Variants in PEX3 observed in about 807,000 individuals in gnomAD.
PEX3 encodes peroxin-3.
PEX3 carries 30 observed loss-of-function variants against 55.8 expected under a neutral mutation model. The observed-to-expected ratio is 0.54, with a 90% CI of 0.40 to 0.73. The LOEUF (loss-of-function observed/expected upper bound fraction) is 0.73, where lower values mean the gene tolerates loss of function less well. Ranked by LOEUF, PEX3 falls within the 30% of genes least tolerant of loss-of-function variation. PEX3 has a pLI of 0.00. For synonymous variants in PEX3, 135 were observed against 148.4 expected, an observed-to-expected ratio of 0.91 and a Z score of 0.66; for missense variants, 351 against 432.8, an observed-to-expected ratio of 0.81 and a Z score of 1.68.
In PEX3 at chr6:143,466,418, A is replaced by G. The variant is rs944943076; in HGVS notation, c.288-1704A>G. 3.3e-5 allele frequency among the ~76,000 whole-genome samples: 5 copies of G among 151,958 alleles called. No individual in the cohort carries two copies. Among genetic ancestry groups the G allele is most frequent in the African/African-American group, 1.2e-4 (5 of 41,432 alleles). Reference sequence around the variant, plus strand: ...TGAGGTATTGCAGTGCTTTGTTTTTAAGGAACCTTTATTTTACTTAATAAT... The same window carrying G: ...TGAGGTATTGCAGTGCTTTGTTTTTGAGGAACCTTTATTTTACTTAATAAT... On this transcript the variant is annotated intron_variant, in intron 3 of 11. Coordinates refer to ENST00000367591, the MANE Select transcript of PEX3 (RefSeq NM_003630.3). This position sits in a 1 kb window ranked among gnomAD's most constrained non-coding sequence, Gnocchi z 5.4.
Position 143,489,476 on chromosome 6 carries a change from T to C in PEX3, c.*250T>C, listed in dbSNP as rs577296854. 1.1e-5 allele frequency: 3 copies of C among 285,462 alleles called. No homozygotes were observed. In the East Asian group the frequency reaches 2.3e-4, roughly 22 times the overall value. 17.7% of individuals were successfully genotyped at this position (285,462 alleles called of 1,614,324 possible). On this transcript the variant is annotated 3_prime_UTR_variant, in exon 12 of 12. Transcript: ENST00000367591. The surrounding 1 kb of genome is among the most constrained non-coding windows in gnomAD (Gnocchi z 5.5). ...AATATCAGAATTGTTAATAATTTGT[T>C]ACACATGGACATTTGTTCCAAACTG...
chr6:143,477,148 A>G (rs953054884), intron 9 of PEX3, among the ~76,000 whole-genome samples: 6 of 152,208 alleles, frequency 3.9e-5, no homozygotes, highest in Non-Finnish European at 5.9e-5. Flanking sequence ...AGATAAGCTA[A>G]TTCAAAAGAA....
In PEX3 at chr6:143,459,743, T is replaced by C. The variant is rs1352665721; in HGVS notation, c.205+527T>C. Among the ~76,000 whole-genome samples the C allele has an allele frequency of 6.6e-6, 1 of 152,260 alleles. No individual in the cohort carries two copies. Among genetic ancestry groups the C allele is most frequent in the East Asian group, 1.9e-4 (1 of 5,180 alleles). On this transcript the variant is annotated intron_variant, in intron 2 of 11. Coordinates refer to ENST00000367591, the MANE Select transcript of PEX3 (RefSeq NM_003630.3). The surrounding 1 kb of genome is among the most constrained non-coding windows in gnomAD (Gnocchi z 4.2). ...AAAAGGCCATGTAGCTAGAGCAGAA[T>C]GAACAATGGCAGTGATAGGAAACAA...
chr6:143,457,879 T>C (rs3804539), intron 1 of PEX3, among the ~76,000 whole-genome samples: 33,359 of 152,168 alleles, frequency 0.22, 3,770 homozygotes, highest in Middle Eastern at 0.22. Context: ...CTGTAGGATT[T>C]GGTTGGCTAC....
chr6:143,452,755 T>C (rs1314435615), intron 1 of PEX3, among the ~76,000 whole-genome samples: 1 of 152,216 alleles, frequency 6.6e-6, no homozygotes, highest in Non-Finnish European at 1.5e-5. Flanking sequence ...CTCATGTTCT[T>C]TCTGCTTCAG....
In PEX3 at chr6:143,472,741, C is replaced by T. The variant is rs147460078; in HGVS notation, c.747+413C>T. Among the ~76,000 whole-genome samples, 193 of 152,200 alleles carry T rather than the reference C, an allele frequency of 1.3e-3. 3 individuals carry two copies. Among genetic ancestry groups the T allele is most frequent in the East Asian group, 1.9e-4 (1 of 5,166 alleles). On this transcript the variant is annotated intron_variant, in intron 8 of 11. Transcript: ENST00000367591. ...TAAAGAGCTTTATATGCCAAGATAACGAGTCTGAACTCCAATTTGTAGACA... is the reference window on the plus strand; with the variant it reads ...TAAAGAGCTTTATATGCCAAGATAATGAGTCTGAACTCCAATTTGTAGACA...
chr6:143,489,316 T>A lies in PEX3; in HGVS notation c.*90T>A. The A allele has an allele frequency of 1.3e-6, 1 of 759,346 alleles. No individual in the cohort carries two copies. The highest frequency in any genetic ancestry group is 2.4e-6 in the Non-Finnish European group (1 of 414,974). The allele number at this position is 759,346 out of a possible 1,614,324, so 47.0% of individuals were successfully genotyped here. A position where few individuals can be genotyped will look rare whatever the true frequency, so the allele number is the denominator to read the frequency against. ...CTATACTTAGAGTAACAGTTTGTTA[T>A]CAAAATGCCTGATAAAATATATTCT... On this transcript the variant is annotated 3_prime_UTR_variant, in exon 12 of 12. Transcript: ENST00000367591. This position sits in a 1 kb window ranked among gnomAD's most constrained non-coding sequence, Gnocchi z 5.5.
intron 10 of PEX3, among the ~76,000 whole-genome samples, chr6:143,481,622 A>T (rs1385674407): frequency 6.6e-6 from 1 of 152,178 alleles, no homozygotes; most frequent in Non-Finnish European, 1.5e-5. Flanking sequence ...TAATAAGATA[A>T]AAAACATTAT....
rs549506989 is a variant in PEX3, at chr6:143,486,648, G to A, written c.1038+1400G>A. On this transcript the variant is annotated intron_variant, in intron 11 of 11. Coordinates refer to ENST00000367591, the MANE Select transcript of PEX3 (RefSeq NM_003630.3). The surrounding 1 kb of genome is among the most constrained non-coding windows in gnomAD (Gnocchi z 5.0). ...TACCAAGTGGTCTTCTTAATAAATT[G>A]TCATATGCTTTACTATTTCCACTTA... Among the ~76,000 whole-genome samples, 1 of 152,028 alleles carries A rather than the reference G, an allele frequency of 6.6e-6. No homozygotes were observed. Among genetic ancestry groups the A allele is most frequent in the South Asian group, 2.1e-4 (1 of 4,818 alleles).
intron 1 of PEX3, among the ~76,000 whole-genome samples, chr6:143,452,852 A>G (rs1779794499): frequency 6.6e-6 from 1 of 152,218 alleles, no homozygotes; most frequent in African/African-American, 2.4e-5. Context: ...GGTAATATAA[A>G]TGGAAATACA....
rs1389019606 is a variant in PEX3 at position 143,479,623 on chromosome 6, T to G, written c.941+425T>G. 6.6e-6 allele frequency among the ~76,000 whole-genome samples: 1 copy of G among 152,090 alleles called. No homozygotes were observed. Among genetic ancestry groups the G allele is most frequent in the Non-Finnish European group, 1.5e-5 (1 of 67,936 alleles). ...GGGCATTGTTGGTATAGATTCTCAT[T>G]TGATGAATTAGCTCCTTATAGTTCT... is the stretch of plus-strand genomic sequence containing the variant. On this transcript the variant is annotated intron_variant, in intron 10 of 11. Coordinates refer to ENST00000367591, the MANE Select transcript of PEX3 (RefSeq NM_003630.3). This position sits in a 1 kb window ranked among gnomAD's most constrained non-coding sequence, Gnocchi z 4.6.
rs1780357157 is a variant in PEX3 at position 143,489,427 on chromosome 6, TG to T, written c.*204del. ...AGATTCATCAACAGACCAGTTTTTG[TG>T]GGCATATATATATACACGTGCAAAT... On this transcript the variant is annotated 3_prime_UTR_variant, in exon 12 of 12. Coordinates refer to ENST00000367591, the MANE Select transcript of PEX3 (RefSeq NM_003630.3). The surrounding 1 kb of genome is among the most constrained non-coding windows in gnomAD (Gnocchi z 5.5). 12 of 475,956 alleles carry T rather than the reference TG, an allele frequency of 2.5e-5. No homozygotes were observed. In the East Asian group the frequency reaches 4.8e-4, roughly 19 times the overall value. 29.5% of individuals were successfully genotyped at this position (475,956 alleles called of 1,614,324 possible).
Position 143,471,099 on chromosome 6 carries a change from A to T in PEX3, c.456+14A>T. 1 of 1,610,308 alleles carries T rather than the reference A, an allele frequency of 6.2e-7. No homozygotes were observed. Among genetic ancestry groups the T allele is most frequent in the Middle Eastern group, 1.7e-4 (1 of 6,032 alleles). ...AAAAATGGCACTGTAAGTTTAATAG[A>T]CTTAAATAGACATTGTTCTTTCCCT... On this transcript the variant is annotated intron_variant, in intron 5 of 11. Transcript: ENST00000367591. This position sits in a 1 kb window ranked among gnomAD's most constrained non-coding sequence, Gnocchi z 5.4.
At chr6:143,472,723 C>G (rs778164171) in intron 8 of PEX3, among the ~76,000 whole-genome samples, 6 of 152,194 alleles carry the variant, frequency 3.9e-5, no homozygotes, top group Admixed American at 3.9e-4. Context: ...TTATAAAGAG[C>G]TTTATATGCC....
intron 2 of PEX3, among the ~76,000 whole-genome samples, chr6:143,460,936 C>G (rs1779909766): frequency 6.6e-6 from 1 of 151,708 alleles, no homozygotes; most frequent in South Asian, 2.1e-4. Context: ...GACATGGACC[C>G]TTGTGTCAGT....
In PEX3 at chr6:143,484,932, C is replaced by A. The variant is rs1780293243; in HGVS notation, c.942-220C>A. 4 of 512,430 alleles carry A rather than the reference C, an allele frequency of 7.8e-6. No homozygotes were observed. In the South Asian group the frequency reaches 8.4e-5, roughly 11 times the overall value. The allele number at this position is 512,430 out of a possible 1,614,324, so 31.7% of individuals were successfully genotyped here. Reference sequence around the variant, plus strand: ...TAGGAGGTTAGAGGTTTTTGGTAGACACAAAAAAACAAAGATATGTGTAAA... The same window carrying A: ...TAGGAGGTTAGAGGTTTTTGGTAGAAACAAAAAAACAAAGATATGTGTAAA... On this transcript the variant is annotated intron_variant, in intron 10 of 11. Coordinates refer to ENST00000367591, the MANE Select transcript of PEX3 (RefSeq NM_003630.3).
rs1383581634 is a variant in PEX3, at chr6:143,482,545, G to A, written c.942-2607G>A. 6.6e-6 allele frequency among the ~76,000 whole-genome samples: 1 copy of A among 151,896 alleles called. No homozygotes were observed. Among genetic ancestry groups the A allele is most frequent in the East Asian group, 1.9e-4 (1 of 5,202 alleles). On this transcript the variant is annotated intron_variant, in intron 10 of 11. Coordinates refer to ENST00000367591, the MANE Select transcript of PEX3 (RefSeq NM_003630.3). The surrounding 1 kb of genome is among the most constrained non-coding windows in gnomAD (Gnocchi z 5.5). ...GACAAATGATAATAAAGGTAATATG[G>A]AGGAATAATGGAATGAGAATGTTTA... is the stretch of plus-strand genomic sequence containing the variant.
chr6:143,478,492 GCA>G (rs1369433155), intron 9 of PEX3, among the ~76,000 whole-genome samples: 2 of 152,008 alleles, frequency 1.3e-5, no homozygotes, highest in Non-Finnish European at 2.9e-5. Flanking sequence ...ACATACACAT[GCA>G]CACTGTAGTC....
chr6:143,481,308 A>G (rs1780238735), intron 10 of PEX3, among the ~76,000 whole-genome samples: 1 of 151,884 alleles, frequency 6.6e-6, no homozygotes, highest in East Asian at 1.9e-4. Context: ...AGCAGCTAAT[A>G]CTTTTTCCAT....
Sources: allele counts gnomAD v4.1 joint callset (sites outside exome capture counted in the v4.1 genomes callset), GRCh38; gene constraint gnomAD v4.1.1; non-coding constraint Gnocchi (gnomAD v3.1); transcripts MANE v1.5; gene names NCBI Gene and HGNC (gene_info 2026-07-23, HGNC 2026-07-21).